The following GALNTL6 variants were observed in gnomAD, a reference collection of about 807,000 sequenced individuals.
GALNTL6 encodes polypeptide N-acetylgalactosaminyltransferase-like 6.
A neutral mutation model predicts 73.7 loss-of-function variants in GALNTL6; 46 were observed. The ratio of observed to expected loss-of-function variants is 0.62; its 90% CI spans 0.49 to 0.80. GALNTL6 has a LOEUF of 0.80. Among genes scored for constraint, GALNTL6 ranks in the 30% least tolerant of loss-of-function variants. The probability of loss-of-function intolerance (pLI) is 0.00; values close to 1 mark genes in which losing one functional copy is unlikely to be tolerated. For synonymous variants in GALNTL6, 259 were observed against 263.7 expected (o/e 0.98, Z 0.17); for missense variants, 604 against 755.0 (o/e 0.80, Z 2.34).
intron 3 of GALNTL6, among the ~76,000 whole-genome samples, chr4:172,274,181 C>T (rs1040125422): frequency 6.6e-6 from 1 of 152,022 alleles, no homozygotes; most frequent in African/African-American, 2.4e-5. Flanking sequence ...ACTAAAATTT[C>T]TAAAATGTAA....
chr4:171,982,534 G>A (rs968635308), intron 2 of GALNTL6, among the ~76,000 whole-genome samples: 1 of 152,120 alleles, frequency 6.6e-6, no homozygotes, highest in African/African-American at 2.4e-5. Flanking sequence ...TCCTGACCTC[G>A]TGATTCGCCC....
At chr4:172,106,771 CA>C (rs1416262397) in intron 2 of GALNTL6, among the ~76,000 whole-genome samples, 3 of 151,814 alleles carry the variant, frequency 2.0e-5, no homozygotes, top group Non-Finnish European at 4.4e-5. Flanking sequence ...GACCACAGGC[CA>C]ATAGTGAACA....
intron 2 of GALNTL6, among the ~76,000 whole-genome samples, chr4:172,202,591 G>T (rs1472282880): frequency 6.6e-6 from 1 of 152,040 alleles, no homozygotes; most frequent in Non-Finnish European, 1.5e-5. Flanking sequence ...AGCTTCATGT[G>T]GGGCATTATC....
At chr4:171,965,657 G>GGAAAA (rs1553976365) in intron 2 of GALNTL6, among the ~76,000 whole-genome samples, 3 of 100,364 alleles carry the variant, frequency 3.0e-5, no homozygotes, top group African/African-American at 3.9e-5. Context: ...CTCCGTCTCA[G>GGAAAA]AAAAAAAAAA....
intron 2 of GALNTL6, among the ~76,000 whole-genome samples, chr4:171,908,538 T>A (rs531135061): frequency 3.9e-5 from 6 of 152,128 alleles, no homozygotes; most frequent in Middle Eastern, 3.4e-3. Context: ...ACTTTTACAC[T>A]GTTGGTGGGA....
At chr4:172,677,170 A>G (rs924327197) in intron 5 of GALNTL6, among the ~76,000 whole-genome samples, 2 of 152,234 alleles carry the variant, frequency 1.3e-5, no homozygotes, top group South Asian at 4.1e-4. Flanking sequence ...TTACTGCTCT[A>G]AGAAACTGAT....
chr4:172,546,820 G>GCATATATATGTATATATATACATA (rs1735784661), intron 5 of GALNTL6, among the ~76,000 whole-genome samples: 1 of 49,028 alleles, frequency 2.0e-5, no homozygotes. Context: ...ATATATATAC[G>GCATATATATGTATATATATACATA]TATATGTATA....
intron 3 of GALNTL6, among the ~76,000 whole-genome samples, chr4:172,293,729 T>C (rs1739554225): frequency 1.3e-5 from 2 of 151,504 alleles, no homozygotes; most frequent in African/African-American, 4.8e-5. Context: ...ATTAAAAATA[T>C]ATTATAAATA....
At chr4:172,192,052 A>G (rs56774634) in intron 2 of GALNTL6, among the ~76,000 whole-genome samples, 9,793 of 152,132 alleles carry the variant, frequency 0.064, 513 homozygotes, top group African/African-American at 0.15. Context: ...ATAGAGCTGA[A>G]CAATTAATAA....
At chr4:173,015,631 G>T (rs1172244141) in intron 11 of GALNTL6, among the ~76,000 whole-genome samples, 1 of 152,322 alleles carries the variant, frequency 6.6e-6, no homozygotes, top group South Asian at 2.1e-4. Context: ...CTTTGAACTT[G>T]AGAGTGATGA....
At chr4:171,919,034 T>C (rs569856367) in intron 2 of GALNTL6, among the ~76,000 whole-genome samples, 1 of 152,232 alleles carries the variant, frequency 6.6e-6, no homozygotes, top group East Asian at 1.9e-4. Flanking sequence ...AAAGTTGCAG[T>C]CAAGCAAGAG....
At chr4:172,648,902 C>T (rs1179983959) in intron 5 of GALNTL6, among the ~76,000 whole-genome samples, 3 of 152,162 alleles carry the variant, frequency 2.0e-5, no homozygotes, top group Non-Finnish European at 4.4e-5. Context: ...GTGAATGGGG[C>T]TGTCCCTTAC....
At chr4:172,656,390 T>A (rs1340140203) in intron 5 of GALNTL6, among the ~76,000 whole-genome samples, 1 of 152,204 alleles carries the variant, frequency 6.6e-6, no homozygotes, top group Non-Finnish European at 1.5e-5. Context: ...ACTCACAGTT[T>A]TATTACATAA....
intron 5 of GALNTL6, among the ~76,000 whole-genome samples, chr4:172,569,755 G>A (rs545103033): frequency 1.3e-5 from 2 of 152,280 alleles, no homozygotes; most frequent in Admixed American, 1.3e-4. Flanking sequence ...ACATCCAAGA[G>A]TGTAGATTCA....
chr4:172,048,937 A>G (rs1201389407), intron 2 of GALNTL6, among the ~76,000 whole-genome samples: 2 of 152,174 alleles, frequency 1.3e-5, no homozygotes, highest in South Asian at 2.1e-4. Context: ...GAGCCAAGCT[A>G]TAAAGCCTAG....
chr4:172,125,731 TA>T (rs958345308), intron 2 of GALNTL6, among the ~76,000 whole-genome samples: 1 of 152,138 alleles, frequency 6.6e-6, no homozygotes, highest in Non-Finnish European at 1.5e-5. Flanking sequence ...TTCTTTCTCA[TA>T]AAAAAATTAT....
intron 2 of GALNTL6, among the ~76,000 whole-genome samples, chr4:172,088,341 C>A (rs564747951): frequency 6.6e-6 from 1 of 152,166 alleles, no homozygotes; most frequent in African/African-American, 2.4e-5. Flanking sequence ...TTCACTGAAA[C>A]TGAATAGACA....
At chr4:171,845,094 T>C (rs1251257624) in intron 2 of GALNTL6, among the ~76,000 whole-genome samples, 1 of 152,212 alleles carries the variant, frequency 6.6e-6, no homozygotes, top group Non-Finnish European at 1.5e-5. Flanking sequence ...TGTGTACTAA[T>C]GAATTCATTT....
chr4:172,495,364 T>C (rs913662363), intron 5 of GALNTL6, among the ~76,000 whole-genome samples: 1 of 152,208 alleles, frequency 6.6e-6, no homozygotes, highest in Non-Finnish European at 1.5e-5. Flanking sequence ...TCTACACTCC[T>C]GACTGCTGAA....
Sources: gnomAD v4.1 joint callset for allele counts (sites outside exome capture counted in the v4.1 genomes callset) on GRCh38, gnomAD v4.1.1 for gene constraint, MANE v1.5 for transcripts, NCBI Gene and HGNC (gene_info 2026-07-23, HGNC 2026-07-21) for gene names.